Variants in EGF observed in about 807,000 individuals in gnomAD.
EGF encodes the protein epidermal growth factor.
A neutral mutation model predicts 143.8 loss-of-function variants in EGF; 95 were observed. The ratio of observed to expected loss-of-function variants is 0.66; its 90% CI spans 0.56 to 0.78. The LOEUF is 0.78. EGF is among the 30% of genes least tolerant of loss of function. The probability of loss-of-function intolerance (pLI) is 0.00; values close to 1 mark genes in which losing one functional copy is unlikely to be tolerated. For synonymous variants in EGF, 510 were observed against 510.5 expected, an observed-to-expected ratio of 1.00 and a Z score of 0.01; for missense variants, 1,320 against 1,470.9, an observed-to-expected ratio of 0.90 and a Z score of 1.68.
intron 20 of EGF, 151 bp downstream of exon 20, chr4:109,995,031 C>T: frequency 2.3e-6 from 2 of 852,438 alleles, no homozygotes; most frequent in Non-Finnish European, 3.8e-6. Flanking sequence ...CACGTGTGTG[C>T]ACTTCATTGC....
rs1751534689 is a variant in EGF at position 109,994,784 on chromosome 4, G to A, written c.2909G>A (p.Arg970Lys). 3.1e-6 allele frequency: 5 copies of A among 1,614,034 alleles called. No homozygotes were observed. The highest frequency in any genetic ancestry group is 1.3e-5 in the African/African-American group (1 of 74,924). The change falls in exon 20 of 24, where the codon AGA becomes AAA. Residue 970 changes from arginine to lysine, a missense_variant. Around this residue, in one of 5 missense-constraint regions of EGF, gnomAD observed 1,186 missense variants for 1,313.7 expected, o/e 0.90. Coordinates refer to ENST00000265171, the MANE Select transcript of EGF (RefSeq NM_001963.6). ...GAAGATGACCACCACTATTCCGTAA[G>A]AAATAGTGACTCTGAATGTCCCCTG... ...LREDDHHYSVRNSDSECPLSH... is the reference protein window; with the variant it reads ...LREDDHHYSVKNSDSECPLSH...
At position 109,943,225 on chromosome 4, in the gene EGF, A is replaced by G. The variant is rs202179418; in HGVS notation, c.328-29A>G. 1.5e-4 allele frequency: 220 copies of G among 1,475,466 alleles called. 4 individuals carry two copies. The Admixed American group carries it at 3.7e-3, about 25-fold the overall frequency. 91.4% of individuals were successfully genotyped at this position (1,475,466 alleles called of 1,614,324 possible). On this transcript the variant is annotated intron_variant, in intron 2 of 23. Coordinates refer to ENST00000265171, the MANE Select transcript of EGF (RefSeq NM_001963.6). ...TTTTGTTGTGAATGGGGGAAGTATT[A>G]ATAACAATTTTAAAATTTGATTTTG...
chr4:109,943,188 C>T (rs1315007835), intron 2 of EGF, 66 bp from the exon 3 acceptor site: 5 of 1,128,556 alleles, frequency 4.4e-6, no homozygotes, highest in Middle Eastern at 3.0e-4. Context: ...TTATATATAA[C>T]AATTAAAATA....
intron 1 of EGF, among the ~76,000 whole-genome samples, chr4:109,939,567 G>T (rs944465753): frequency 6.6e-6 from 1 of 152,186 alleles, no homozygotes; most frequent in Non-Finnish European, 1.5e-5. Flanking sequence ...ACCAGTCCCA[G>T]TGGGATGAAC....
At chr4:109,962,536 G>A (rs867779516) in intron 8 of EGF, among the ~76,000 whole-genome samples, 20 of 152,096 alleles carry the variant, frequency 1.3e-4, no homozygotes, top group African/African-American at 4.3e-4. Flanking sequence ...AAAATTACTA[G>A]GAAGAGTTAG....
At chr4:109,919,713 G>T (rs559060810) in intron 1 of EGF, among the ~76,000 whole-genome samples, 2 of 151,716 alleles carry the variant, frequency 1.3e-5, no homozygotes, top group South Asian at 4.1e-4. Context: ...AGATCAAGGA[G>T]ATCAGAGGAG....
At position 109,923,174 on chromosome 4, in the gene EGF, T is replaced by A. The variant is rs183547652; in HGVS notation, c.127+9712T>A. ...CAAGAGAATTATATAAAATATTTTT[T>A]ATGTATATTTATATAGCTGTACCTA... is the stretch of plus-strand genomic sequence containing the variant. On this transcript the variant is annotated intron_variant, in intron 1 of 23. Coordinates refer to ENST00000265171, the MANE Select transcript of EGF (RefSeq NM_001963.6). Among the ~76,000 whole-genome samples the A allele has an allele frequency of 2.3e-3, 344 of 151,648 alleles. 16 individuals carry two copies. The highest frequency in any genetic ancestry group is 7.9e-3 in the African/African-American group (324 of 41,000).
At chr4:109,926,932 T>C (rs937701968) in intron 1 of EGF, among the ~76,000 whole-genome samples, 1 of 152,232 alleles carries the variant, frequency 6.6e-6, no homozygotes, top group African/African-American at 2.4e-5. Context: ...AATGCCAATA[T>C]GTCACCTGTT....
In EGF at chr4:109,994,804, C is replaced by T; in HGVS notation, c.2929C>T (p.Pro977Ser). 6.2e-7 allele frequency: 1 copy of T among 1,614,136 alleles called. No homozygotes were observed. Among genetic ancestry groups the T allele is most frequent in the Non-Finnish European group, 8.5e-7 (1 of 1,179,982 alleles). ...YSVRNSDSEC[P>S]LSHDGYCLHD... is the part of the protein sequence containing the mutation. ...CGTAAGAAATAGTGACTCTGAATGT[C>T]CCCTGTCCCACGATGGGTACTGCCT... Residue 977 changes from proline to serine, a missense_variant, in exon 20 of 24, where the codon CCC becomes TCC. Coordinates refer to ENST00000265171, the MANE Select transcript of EGF (RefSeq NM_001963.6).
At chr4:110,007,005 T>C (rs1435089671) in intron 22 of EGF, among the ~76,000 whole-genome samples, 3 of 152,200 alleles carry the variant, frequency 2.0e-5, no homozygotes, top group African/African-American at 7.2e-5. Flanking sequence ...GTGCAGAGGG[T>C]TGGATTTTGA....
chr4:110,003,595 C>G (rs1252009302), intron 21 of EGF, among the ~76,000 whole-genome samples: 8 of 152,096 alleles, frequency 5.3e-5, no homozygotes, highest in Non-Finnish European at 1.0e-4. Context: ...ATTAAGCTGC[C>G]TATCTGCCCC....
intron 10 of EGF, 31 bp downstream of exon 10, chr4:109,964,568 C>A: frequency 6.2e-7 from 1 of 1,613,426 alleles, no homozygotes; most frequent in Non-Finnish European, 8.5e-7. Context: ...CAGATGTGGA[C>A]ATGCTTTAAG....
intron 1 of EGF, 45 bp downstream of exon 1, chr4:109,913,507 C>A (rs1003045626): frequency 1.2e-5 from 19 of 1,603,826 alleles, no homozygotes; most frequent in Non-Finnish European, 1.4e-5. Context: ...CGGGAAACTG[C>A]CCCCACATCC....
At chr4:109,992,160 C>G (rs1309321481) in intron 18 of EGF, among the ~76,000 whole-genome samples, 1 of 80,960 alleles carries the variant, frequency 1.2e-5, no homozygotes. Context: ...AGCAACCAAG[C>G]AAGATTCTTT....
chr4:109,969,110 C>T lies in EGF; in HGVS notation c.1715C>T (p.Thr572Ile). The change falls in exon 11 of 24, where the codon ACA becomes ATA. Residue 572 changes from threonine to isoleucine, a missense_variant. By Grantham distance (89) the Thr-to-Ile change is moderately conservative. This residue lies in a region of EGF where 1,186 missense variants were observed against 1,313.7 expected (regional missense o/e 0.90). Transcript: ENST00000265171. ...TGGATTGGCCGTAGATTCTATTGGACAGACAGAGGGTATGTTTTCTGCTTC... is the reference window on the plus strand; with the variant it reads ...TGGATTGGCCGTAGATTCTATTGGATAGACAGAGGGTATGTTTTCTGCTTC... The part of the protein sequence containing the change: ...VDWIGRRFYW[T>I]DRGKSLIGRS... The T allele has an allele frequency of 3.1e-6, 5 of 1,614,082 alleles. No homozygotes were observed. Among genetic ancestry groups the T allele is most frequent in the Non-Finnish European group, 4.2e-6 (5 of 1,180,004 alleles).
intron 20 of EGF, among the ~76,000 whole-genome samples, chr4:109,995,246 T>G (rs540820264): frequency 6.6e-6 from 1 of 152,338 alleles, no homozygotes; most frequent in Admixed American, 6.5e-5. Flanking sequence ...TGCTTTATAT[T>G]ATGTGTGAGC....
At chr4:109,987,416 C>G (rs1320218620) in intron 16 of EGF, among the ~76,000 whole-genome samples, 1 of 152,000 alleles carries the variant, frequency 6.6e-6, no homozygotes, top group East Asian at 1.9e-4. Context: ...ACCTCAGCCC[C>G]CCAAGTAGCT....
chr4:109,956,936 C>G (rs974788170), intron 5 of EGF, among the ~76,000 whole-genome samples: 4 of 152,146 alleles, frequency 2.6e-5, no homozygotes, highest in Admixed American at 6.5e-5. Flanking sequence ...GCCAGTGTTT[C>G]TGAAAGTGTG....
In EGF at chr4:109,961,971, G is replaced by A. The variant is rs757866419; in HGVS notation, c.1298G>A (p.Gly433Glu). The change falls in exon 8 of 24, where the codon GGG becomes GAG. Residue 433 changes from glycine (G) to glutamate (E), a missense_variant. By Grantham distance (98) the Gly-to-Glu change is moderately conservative. This residue lies in a region of EGF where 1,186 missense variants were observed against 1,313.7 expected (regional missense o/e 0.90). Coordinates refer to ENST00000265171, the MANE Select transcript of EGF (RefSeq NM_001963.6). ...GAAGGCTCAGTGCTTGAGAGAGATG[G>A]GAAAACATGTAGCGGTGAGTTTATT... ...CPEGSVLERD[G>E]KTCSGCSSPD... 331 of 1,613,608 alleles carry A rather than the reference G, an allele frequency of 2.1e-4. 3 individuals are homozygous for A. In the South Asian group the frequency reaches 3.5e-3, roughly 17 times the overall value.
Sources: allele counts gnomAD v4.1 joint callset (sites outside exome capture counted in the v4.1 genomes callset), GRCh38; gene constraint gnomAD v4.1.1; regional missense constraint gnomAD v4.1.1; transcripts MANE v1.5; gene names NCBI Gene and HGNC (gene_info 2026-07-23, HGNC 2026-07-21).